CDC40: variants seen among roughly 807,000 people sequenced by gnomAD.
CDC40 encodes the protein pre-mRNA-processing factor 17.
In CDC40, 27 loss-of-function variants were observed where a neutral mutation model predicts 80.6. That is an observed-to-expected ratio of 0.33 (90% CI 0.25 to 0.46). CDC40 has a LOEUF of 0.46. CDC40 is among the 20% of genes least tolerant of loss of function. CDC40 has a pLI of 1.00. For synonymous variants in CDC40, 221 were observed against 232.6 expected (o/e 0.95, Z 0.45); for missense variants, 486 against 694.1 (o/e 0.70, Z 3.37).
chr6:110,198,813 T>A (rs1482948737), intron 2 of CDC40, among the ~76,000 whole-genome samples: 1 of 152,230 alleles, frequency 6.6e-6, no homozygotes, highest in Non-Finnish European at 1.5e-5. Flanking sequence ...ACAAATTTAC[T>A]CTTAAACTCA....
At chr6:110,209,543 C>G (rs1028721049) in intron 5 of CDC40, among the ~76,000 whole-genome samples, 3 of 152,092 alleles carry the variant, frequency 2.0e-5, no homozygotes, top group Non-Finnish European at 2.9e-5. Flanking sequence ...CAGATAGTAA[C>G]TACAAAATCA....
intron 10 of CDC40, among the ~76,000 whole-genome samples, chr6:110,218,255 T>C (rs1377972844): frequency 6.6e-6 from 1 of 152,254 alleles, no homozygotes; most frequent in African/African-American, 2.4e-5. Context: ...ATTAATTGAT[T>C]CACATTAATA....
intron 12 of CDC40, among the ~76,000 whole-genome samples, chr6:110,225,450 G>GT (rs79984887): frequency 0.016 from 2,142 of 135,648 alleles, 21 homozygotes; most frequent in African/African-American, 0.039. Flanking sequence ...CTCACATGAG[G>GT]TTTTTTTTTT....
chr6:110,218,663 G>A (rs1490381976), intron 10 of CDC40, among the ~76,000 whole-genome samples: 1 of 152,132 alleles, frequency 6.6e-6, no homozygotes, highest in Non-Finnish European at 1.5e-5. Flanking sequence ...TGATGCCTGA[G>A]TCCTACCTTC....
chr6:110,223,493 C>G (rs776435501), intron 12 of CDC40, among the ~76,000 whole-genome samples: 2 of 152,070 alleles, frequency 1.3e-5, no homozygotes, highest in Non-Finnish European at 2.9e-5. Context: ...TCAGGATCCC[C>G]GGAACTGTGC....
chr6:110,207,806 A>C (rs892629223), intron 4 of CDC40, among the ~76,000 whole-genome samples: 11 of 152,232 alleles, frequency 7.2e-5, no homozygotes, highest in Admixed American at 3.9e-4. Flanking sequence ...TTGTAGGGAA[A>C]ATAATGATAC....
At chr6:110,193,794 A>G (rs957654245) in intron 2 of CDC40, among the ~76,000 whole-genome samples, 1 of 152,224 alleles carries the variant, frequency 6.6e-6, no homozygotes, top group Non-Finnish European at 1.5e-5. Context: ...ATCTGTCTAC[A>G]TACAGATGTC....
chr6:110,187,800 C>T (rs1315532875), intron 1 of CDC40, among the ~76,000 whole-genome samples: 1 of 152,156 alleles, frequency 6.6e-6, no homozygotes, highest in Non-Finnish European at 1.5e-5. Flanking sequence ...ACTATTTAAA[C>T]TTATTTGACC....
At chr6:110,196,692 TC>T (rs201523047) in intron 2 of CDC40, among the ~76,000 whole-genome samples, 1,777 of 152,248 alleles carry the variant, frequency 0.012, 24 homozygotes, top group African/African-American at 0.04. Context: ...GCTCAAATCT[TC>T]TATTTGTAGA....
intron 1 of CDC40, among the ~76,000 whole-genome samples, chr6:110,185,241 C>CTTTTT (rs1227694611): frequency 4.9e-4 from 61 of 124,008 alleles, no homozygotes; most frequent in African/African-American, 9.0e-4. Context: ...ATCTTTTTTT[C>CTTTTT]TTTTTTTTTT....
At chr6:110,216,781 CATTTT>C (rs1777704881) in intron 9 of CDC40, among the ~76,000 whole-genome samples, 1 of 152,170 alleles carries the variant, frequency 6.6e-6, no homozygotes, top group Non-Finnish European at 1.5e-5. Context: ...TGTTTAGCCA[CATTTT>C]ATTTTTCCCT....
intron 1 of CDC40, among the ~76,000 whole-genome samples, chr6:110,192,580 G>C (rs1440606830): frequency 6.6e-6 from 1 of 152,210 alleles, no homozygotes; most frequent in Admixed American, 6.5e-5. Flanking sequence ...CCAGGCTAAA[G>C]ATACCAATTT....
intron 12 of CDC40, among the ~76,000 whole-genome samples, 182 bp from the exon 13 acceptor site, chr6:110,225,985 A>C (rs1489822419): frequency 6.6e-6 from 1 of 152,244 alleles, no homozygotes; most frequent in African/African-American, 2.4e-5. Context: ...TACAGGATTT[A>C]CCATAAGCAG....
intron 1 of CDC40, among the ~76,000 whole-genome samples, chr6:110,183,947 T>G (rs1402452537): frequency 2.0e-5 from 3 of 152,212 alleles, no homozygotes; most frequent in African/African-American, 7.2e-5. Flanking sequence ...TTGCAAATTT[T>G]TTTTCTTTTG....
intron 9 of CDC40, among the ~76,000 whole-genome samples, chr6:110,217,331 TG>T (rs1329178054): frequency 4.6e-5 from 7 of 152,242 alleles, no homozygotes; most frequent in Admixed American, 3.9e-4. Flanking sequence ...TTTCTTTCAC[TG>T]GCAATAATTG....
At chr6:110,207,314 C>CA (rs869177206) in intron 3 of CDC40, among the ~76,000 whole-genome samples, 192 bp from the exon 4 acceptor site, 1,572 of 49,660 alleles carry the variant, frequency 0.032, 22 homozygotes, top group East Asian at 0.056. Flanking sequence ...GACCCTATCT[C>CA]AAAAAAAAAA....
At chr6:110,210,483 G>C (rs1777623258) in intron 5 of CDC40, among the ~76,000 whole-genome samples, 1 of 150,370 alleles carries the variant, frequency 6.7e-6, no homozygotes, top group Admixed American at 6.6e-5. Context: ...CTAGGAAGAG[G>C]GAGGTTGCAG....
chr6:110,229,924 A>G (rs781066278), intron 14 of CDC40, 30 bp from the exon 15 acceptor site: 2 of 1,457,364 alleles, frequency 1.4e-6, no homozygotes, highest in South Asian at 2.3e-5. Context: ...GTATTTTAAT[A>G]ATTTGAATTT....
intron 1 of CDC40, among the ~76,000 whole-genome samples, chr6:110,187,102 C>T (rs1433528675): frequency 6.6e-6 from 1 of 152,326 alleles, no homozygotes; most frequent in Non-Finnish European, 1.5e-5. Context: ...CCTCAGCCTC[C>T]CTAGTAGCTG....
Sources: allele counts gnomAD v4.1 joint callset (sites outside exome capture counted in the v4.1 genomes callset), GRCh38; gene constraint gnomAD v4.1.1; transcripts MANE v1.5; gene names NCBI Gene and HGNC (gene_info 2026-07-23, HGNC 2026-07-21).